Variants in SLC4A4 observed in about 807,000 individuals in gnomAD.
SLC4A4 encodes the protein solute carrier family 4 member 4.
SLC4A4 carries 27 observed loss-of-function variants against 111.5 expected under a neutral mutation model. That is an observed-to-expected ratio of 0.24 (90% confidence interval 0.18 to 0.33). SLC4A4 has a LOEUF of 0.33. Among genes scored for constraint, SLC4A4 ranks in the 10% least tolerant of loss-of-function variants. The pLI is 1.00. For synonymous variants in SLC4A4, 443 were observed against 463.4 expected, an observed-to-expected ratio of 0.96 and a Z score of 0.57; for missense variants, 909 against 1,315.5, an observed-to-expected ratio of 0.69 and a Z score of 4.78.
intron 2 of SLC4A4, among the ~76,000 whole-genome samples, chr4:71,095,283 G>A (rs1433023573): frequency 6.6e-6 from 1 of 152,218 alleles, no homozygotes; most frequent in Non-Finnish European, 1.5e-5. Flanking sequence ...CATAAGAGCA[G>A]AGATGAGTTT....
At chr4:71,318,358 A>G (rs922615603) in intron 3 of SLC4A4, among the ~76,000 whole-genome samples, 3 of 152,072 alleles carry the variant, frequency 2.0e-5, no homozygotes, top group Non-Finnish European at 2.9e-5. Flanking sequence ...AAATTAACCA[A>G]TTGTCATTCA....
chr4:71,272,610 A>G (rs1292882229), intron 3 of SLC4A4, among the ~76,000 whole-genome samples: 2 of 152,166 alleles, frequency 1.3e-5, no homozygotes, highest in Admixed American at 1.3e-4. Context: ...CTGCAGGAGG[A>G]CCTAGAGACA....
At chr4:71,536,895 T>G (rs908600238) in intron 18 of SLC4A4, among the ~76,000 whole-genome samples, 1 of 151,896 alleles carries the variant, frequency 6.6e-6, no homozygotes, top group Admixed American at 6.6e-5. Flanking sequence ...CTATCTATCT[T>G]TGTGTATGTG....
At chr4:71,438,411 A>G (rs1724366969) in intron 7 of SLC4A4, among the ~76,000 whole-genome samples, 1 of 152,198 alleles carries the variant, frequency 6.6e-6, no homozygotes, top group Admixed American at 6.5e-5. Context: ...GACTTGTCCT[A>G]ACTACTTTAC....
intron 7 of SLC4A4, among the ~76,000 whole-genome samples, chr4:71,419,737 G>A (rs150054736): frequency 0.02 from 3,002 of 152,342 alleles, 44 homozygotes; most frequent in Non-Finnish European, 0.028. Flanking sequence ...TCCCTAGTGA[G>A]ATGAACCCGG....
chr4:71,101,232 C>T (rs1323795606), intron 2 of SLC4A4, among the ~76,000 whole-genome samples: 2 of 152,078 alleles, frequency 1.3e-5, no homozygotes, highest in African/African-American at 2.4e-5. Flanking sequence ...GCACTCCAGC[C>T]TGGGCAACAG....
intron 14 of SLC4A4, among the ~76,000 whole-genome samples, chr4:71,481,181 C>T (rs1319278656): frequency 6.6e-6 from 1 of 151,672 alleles, no homozygotes; most frequent in Non-Finnish European, 1.5e-5. Flanking sequence ...GCACTATGCT[C>T]AGAAGGTGCT....
chr4:71,404,047 A>G (rs1209574298), intron 7 of SLC4A4, among the ~76,000 whole-genome samples: 3 of 152,220 alleles, frequency 2.0e-5, no homozygotes, highest in Admixed American at 1.3e-4. Context: ...CCCAGTTAAA[A>G]GGTCATCCAT....
chr4:71,485,824 A>G (rs1729330992), intron 14 of SLC4A4, among the ~76,000 whole-genome samples: 1 of 151,344 alleles, frequency 6.6e-6, no homozygotes, highest in African/African-American at 2.4e-5. Context: ...TCCTTTATTG[A>G]CAGTAAACAA....
chr4:71,175,835 TC>T (rs2148984656), intron 2 of SLC4A4, among the ~76,000 whole-genome samples: 1 of 152,228 alleles, frequency 6.6e-6, no homozygotes, highest in East Asian at 1.9e-4. Flanking sequence ...GAGTAGCGGT[TC>T]TCCAAGCACA....
intron 6 of SLC4A4, among the ~76,000 whole-genome samples, chr4:71,367,809 T>C (rs754971467): frequency 1.5e-4 from 23 of 152,170 alleles, no homozygotes; most frequent in Non-Finnish European, 3.4e-4. Flanking sequence ...GACAGATAAA[T>C]TGACAAAAAT....
intron 20 of SLC4A4, among the ~76,000 whole-genome samples, chr4:71,554,478 T>C (rs1259799682): frequency 6.6e-6 from 1 of 151,868 alleles, no homozygotes; most frequent in Non-Finnish European, 1.5e-5. Context: ...TAATATAAAA[T>C]ATTTTTTGCT....
Position 71,409,858 on chromosome 4 carries a change from A to G in SLC4A4, c.807+12205A>G, listed in dbSNP as rs553901198. ...GCCACACCCGGGGTCCCCGTGCTGT[A>G]TGCAGCCTAGGGATTTGGTGCCCTG... On this transcript the variant is annotated intron_variant, in intron 7 of 25. Transcript: ENST00000264485. Among the ~76,000 whole-genome samples, 8 of 152,310 alleles carry G rather than the reference A, an allele frequency of 5.3e-5. No individual in the cohort carries two copies. The South Asian group carries it at 1.5e-3, about 28-fold the overall frequency.
chr4:71,130,706 C>T (rs542453971), intron 2 of SLC4A4, among the ~76,000 whole-genome samples: 5 of 152,166 alleles, frequency 3.3e-5, no homozygotes, highest in East Asian at 3.9e-4. Flanking sequence ...TGTTGTAATG[C>T]GTATGTATCT....
chr4:71,181,666 T>C (rs1745299399), intron 2 of SLC4A4, among the ~76,000 whole-genome samples: 1 of 152,252 alleles, frequency 6.6e-6, no homozygotes, highest in Non-Finnish European at 1.5e-5. Flanking sequence ...ATTCTATAAT[T>C]ACTGAGTTCC....
At chr4:71,317,123 T>A (rs1187357157) in intron 3 of SLC4A4, among the ~76,000 whole-genome samples, 1 of 151,628 alleles carries the variant, frequency 6.6e-6, no homozygotes, top group Admixed American at 6.6e-5. Context: ...CAGATGATTT[T>A]ATTCGTATTT....
Position 71,217,521 on chromosome 4 carries a change from T to C in SLC4A4, c.-1-19055T>C, listed in dbSNP as rs939588272. 1.9e-4 allele frequency among the ~76,000 whole-genome samples: 29 copies of C among 152,242 alleles called. 3 individuals are homozygous for C. Among genetic ancestry groups the C allele is most frequent in the Admixed American group, 1.8e-3 (28 of 15,300 alleles). ...GAGATTGTCATGAGCTGAGATCGTG[T>C]CACTGCACTCCAGCCTGGGTGACAG... On this transcript the variant is annotated intron_variant, in intron 1 of 25. Coordinates refer to ENST00000264485, the MANE Select transcript of SLC4A4 (RefSeq NM_001098484.3).
chr4:71,211,173 T>C (rs1718110577), intron 1 of SLC4A4, among the ~76,000 whole-genome samples: 2 of 152,212 alleles, frequency 1.3e-5, no homozygotes, highest in South Asian at 4.1e-4. Flanking sequence ...CAAAACAGTT[T>C]ATCTTTTTAT....
intron 1 of SLC4A4, among the ~76,000 whole-genome samples, chr4:71,227,022 A>G (rs1195927501): frequency 6.6e-6 from 1 of 152,134 alleles, no homozygotes; most frequent in Admixed American, 6.5e-5. Context: ...GCCCAAGTAC[A>G]GTTGAGTGAT....
Sources: gnomAD v4.1 joint callset for allele counts (sites outside exome capture counted in the v4.1 genomes callset) on GRCh38, gnomAD v4.1.1 for gene constraint, MANE v1.5 for transcripts, NCBI Gene and HGNC (gene_info 2026-07-23, HGNC 2026-07-21) for gene names.